FLRT2: variants seen among roughly 807,000 people sequenced by gnomAD.
FLRT2 encodes the protein leucine-rich repeat transmembrane protein FLRT2.
Under a neutral mutation model 40.0 loss-of-function variants are expected in FLRT2, and 15 were observed. The observed-to-expected ratio is 0.38, with a 90% CI of 0.25 to 0.58. The LOEUF (loss-of-function observed/expected upper bound fraction) is 0.58, where lower values mean the gene tolerates loss of function less well. Ranked by LOEUF, FLRT2 falls within the 20% of genes least tolerant of loss-of-function variation. The pLI is 0.71. For synonymous variants in FLRT2, 380 were observed against 336.8 expected, an observed-to-expected ratio of 1.13 and a Z score of -1.41; for missense variants, 726 against 840.0, an observed-to-expected ratio of 0.86 and a Z score of 1.68.
rs1893430194 is a variant in FLRT2 at position 85,622,305 on chromosome 14, T to G, written c.791T>G (p.Ile264Arg). 6.2e-7 allele frequency: 1 copy of G among 1,613,982 alleles called. No homozygotes were observed. Among genetic ancestry groups the G allele is most frequent in the African/African-American group, 1.3e-5 (1 of 74,910 alleles). The stretch of plus-strand genomic sequence containing the variant: ...AGGCTCTATTTGCAGGACAACCAGA[T>G]AAACCACATTCCTTTGACAGCCTTC... ...LIRLYLQDNQINHIPLTAFSN... is the reference protein window; with the variant it reads ...LIRLYLQDNQRNHIPLTAFSN... The change falls in exon 2 of 2, where the codon ATA (isoleucine) becomes AGA (arginine). Residue 264 changes from isoleucine to arginine, a missense_variant. By Grantham distance (97) the Ile-to-Arg change is moderately conservative (BLOSUM62 -3). This residue lies in a region of FLRT2 where 611 missense variants were observed against 690.0 expected (regional missense o/e 0.89). Transcript: ENST00000330753.
chr14:85,535,955 A>G (rs920938486), intron 1 of FLRT2, among the ~76,000 whole-genome samples: 3 of 112,202 alleles, frequency 2.7e-5, no homozygotes, highest in Admixed American at 2.5e-4. Context: ...TTTAAAGCCC[A>G]TGTCTTAACA....
At chr14:85,541,624 A>C (rs1171740065) in intron 1 of FLRT2, among the ~76,000 whole-genome samples, 1 of 152,200 alleles carries the variant, frequency 6.6e-6, no homozygotes, top group Non-Finnish European at 1.5e-5. Context: ...CTGTTCTGGC[A>C]CATAGGAGAG....
chr14:85,605,375 C>G (rs549831490), intron 1 of FLRT2, among the ~76,000 whole-genome samples: 2 of 152,262 alleles, frequency 1.3e-5, no homozygotes, highest in African/African-American at 4.8e-5. Context: ...CTGATAGAAC[C>G]ATGATATACA....
At chr14:85,596,305 C>T (rs566212366) in intron 1 of FLRT2, among the ~76,000 whole-genome samples, 1 of 152,328 alleles carries the variant, frequency 6.6e-6, no homozygotes, top group South Asian at 2.1e-4. Context: ...ACCACCAATA[C>T]TCATCTTCAC....
chr14:85,540,467 T>A (rs983510923), intron 1 of FLRT2, among the ~76,000 whole-genome samples: 1 of 152,176 alleles, frequency 6.6e-6, no homozygotes, highest in Non-Finnish European at 1.5e-5. Context: ...CATGTTTATT[T>A]CTCTTTGCTA....
chr14:85,610,057 G>A (rs138940649), intron 1 of FLRT2, among the ~76,000 whole-genome samples: 1 of 152,292 alleles, frequency 6.6e-6, no homozygotes, highest in Non-Finnish European at 1.5e-5. Context: ...GCAGGCTTCA[G>A]TGCTCATGAT....
At position 85,652,280 on chromosome 14, in the gene FLRT2, A is replaced by C. The variant is rs2139412427; in HGVS notation, c.*28783A>C. On this transcript the variant is annotated 3_prime_UTR_variant, in exon 2 of 2. Coordinates refer to ENST00000330753, the MANE Select transcript of FLRT2 (RefSeq NM_013231.6). The stretch of plus-strand genomic sequence containing the variant: ...GAAGAATCTCTAAATAGCACTATTA[A>C]GTGCTCTGATATGCAGTAATATTTA... 6.6e-6 allele frequency: 1 copy of C among 152,272 alleles called. No individual in the cohort carries two copies. The highest frequency in any genetic ancestry group is 1.9e-4 in the East Asian group (1 of 5,180). 9.4% of individuals were successfully genotyped at this position (152,272 alleles called of 1,614,324 possible).
intron 1 of FLRT2, among the ~76,000 whole-genome samples, chr14:85,609,449 T>C (rs1354117666): frequency 6.6e-6 from 1 of 152,132 alleles, no homozygotes; most frequent in Non-Finnish European, 1.5e-5. Context: ...GTTGGGGAGA[T>C]AGAACATTTG....
intron 1 of FLRT2, among the ~76,000 whole-genome samples, chr14:85,588,125 A>G (rs541246466): frequency 6.6e-6 from 1 of 152,188 alleles, no homozygotes; most frequent in South Asian, 2.1e-4. Context: ...GCAGAACGAA[A>G]CAAGTGTCAC....
rs1894321982 is a variant in FLRT2 at position 85,646,978 on chromosome 14, C to T, written c.*23481C>T. 6.6e-6 allele frequency: 1 copy of T among 152,168 alleles called. No individual in the cohort carries two copies. Among genetic ancestry groups the T allele is most frequent in the Non-Finnish European group, 1.5e-5 (1 of 68,042 alleles). The allele number at this position is 152,168 out of a possible 1,614,324, so 9.4% of individuals were successfully genotyped here. On this transcript the variant is annotated 3_prime_UTR_variant, in exon 2 of 2. Transcript: ENST00000330753. ...AGAGACACAGTGACACATACATGCA[C>T]AGCTGACCAAAGCTATAGCTTCCCA... is the stretch of plus-strand genomic sequence containing the variant.
At chr14:85,568,415 G>A (rs889619751) in intron 1 of FLRT2, among the ~76,000 whole-genome samples, 1 of 152,166 alleles carries the variant, frequency 6.6e-6, no homozygotes, top group Admixed American at 6.5e-5. Context: ...AGGACCATGT[G>A]TAAGGCGTTA....
intron 1 of FLRT2, among the ~76,000 whole-genome samples, chr14:85,602,479 G>T (rs1232532856): frequency 6.6e-6 from 1 of 152,230 alleles, no homozygotes; most frequent in African/African-American, 2.4e-5. Context: ...GAGAAATCAG[G>T]ATTGATTACG....
rs1894208505 is a variant in FLRT2 at position 85,643,349 on chromosome 14, TTC to T, written c.*19854_*19855del. 2 of 60,552 alleles carry T rather than the reference TTC, an allele frequency of 3.3e-5. No individual in the cohort carries two copies. The highest frequency in any genetic ancestry group is 5.1e-4 in the South Asian group (1 of 1,950). 3.8% of individuals were successfully genotyped at this position (60,552 alleles called of 1,614,324 possible). On this transcript the variant is annotated 3_prime_UTR_variant, in exon 2 of 2. Transcript: ENST00000330753. ...TTTCTTTCTTTCTTTCTTTCTTTCT[TTC>T]TTTCTTCCTTCCTTCCTTCCTTCCT...
chr14:85,636,788 G>T lies in FLRT2; in HGVS notation c.*13291G>T, dbSNP rs1275574278. The T allele has an allele frequency of 6.6e-6, 1 of 151,706 alleles. No homozygotes were observed. The highest frequency in any genetic ancestry group is 2.1e-4 in the South Asian group (1 of 4,806). The allele number at this position is 151,706 out of a possible 1,614,324, so 9.4% of individuals were successfully genotyped here. ...TACTAAAAATACAAAAATTAGCAGG[G>T]TATGGTGGCAGGCGCCTGTTATCCC... On this transcript the variant is annotated 3_prime_UTR_variant, in exon 2 of 2. Coordinates refer to ENST00000330753, the MANE Select transcript of FLRT2 (RefSeq NM_013231.6).
intron 1 of FLRT2, among the ~76,000 whole-genome samples, chr14:85,547,325 CTTTTT>C (rs57883277): frequency 7.2e-6 from 1 of 139,308 alleles, no homozygotes. Context: ...TTCTTTCTTT[CTTTTT>C]TTTTTTTTTT....
At chr14:85,558,512 C>T (rs1269466344) in intron 1 of FLRT2, among the ~76,000 whole-genome samples, 2 of 152,142 alleles carry the variant, frequency 1.3e-5, no homozygotes, top group Non-Finnish European at 2.9e-5. Context: ...TATAGACTGT[C>T]AGAAGCATTT....
chr14:85,590,576 G>A (rs188845611), intron 1 of FLRT2, among the ~76,000 whole-genome samples: 149 of 152,028 alleles, frequency 9.8e-4, no homozygotes, highest in African/African-American at 3.3e-3. Context: ...ATAGAGTAAG[G>A]ATATTTATTT....
At chr14:85,569,857 C>T (rs1890808333) in intron 1 of FLRT2, among the ~76,000 whole-genome samples, 1 of 152,158 alleles carries the variant, frequency 6.6e-6, no homozygotes, top group South Asian at 2.1e-4. Flanking sequence ...CATGACCAAA[C>T]TTTCTTTTAA....
At position 85,595,975 on chromosome 14, in the gene FLRT2, G is replaced by A. The variant is rs80183279; in HGVS notation, c.-376-25164G>A. On this transcript the variant is annotated intron_variant, in intron 1 of 1. Coordinates refer to ENST00000330753, the MANE Select transcript of FLRT2 (RefSeq NM_013231.6). ...AGTTGAGCTGTACAAGTCCCCTGGG[G>A]CAGGTTTGGAGGTCTTTGAGATTTC... Among the ~76,000 whole-genome samples the A allele has an allele frequency of 9.0e-3, 1,364 of 152,278 alleles. 18 individuals carry two copies. Among genetic ancestry groups the A allele is most frequent in the African/African-American group, 0.031 (1,290 of 41,568 alleles).
Sources: gnomAD v4.1 joint callset for allele counts (sites outside exome capture counted in the v4.1 genomes callset) on GRCh38, gnomAD v4.1.1 for gene constraint, gnomAD v4.1.1 regional missense constraint, MANE v1.5 for transcripts, NCBI Gene and HGNC (gene_info 2026-07-23, HGNC 2026-07-21) for gene names.